TBCA: variants seen among roughly 807,000 people sequenced by gnomAD.
The protein encoded by TBCA is tubulin-specific chaperone A.
Under a neutral mutation model 15.8 loss-of-function variants are expected in TBCA, and 6 were observed. The observed-to-expected ratio is 0.38, with a 90% CI of 0.21 to 0.75. The LOEUF is 0.75. Ranked by LOEUF, TBCA falls within the 30% of genes least tolerant of loss-of-function variation. TBCA has a pLI of 0.46. For missense variants in TBCA, 90 were observed against 131.2 expected (o/e 0.69, Z 1.53); for synonymous variants, 32 against 42.3 (o/e 0.76, Z 0.94).
chr5:77,714,575 A>ATT (rs146736386), intron 1 of TBCA, among the ~76,000 whole-genome samples: 7 of 149,020 alleles, frequency 4.7e-5, no homozygotes, highest in Admixed American at 1.3e-4. Context: ...TATTATTATT[A>ATT]TTTTTTTTTG....
At chr5:77,724,617 C>T (rs1332120011) in intron 1 of TBCA, among the ~76,000 whole-genome samples, 1 of 152,118 alleles carries the variant, frequency 6.6e-6, no homozygotes, top group Non-Finnish European at 1.5e-5. Flanking sequence ...ATTGGTTTCA[C>T]ACTTCAACAA....
At chr5:77,711,907 A>G (rs967486137) in intron 1 of TBCA, among the ~76,000 whole-genome samples, 12 of 152,158 alleles carry the variant, frequency 7.9e-5, no homozygotes, top group Non-Finnish European at 1.6e-4. Context: ...TTTTGCTTAA[A>G]AAGTCATATT....
At chr5:77,742,258 C>T (rs868180384) in intron 1 of TBCA, among the ~76,000 whole-genome samples, 3 of 152,062 alleles carry the variant, frequency 2.0e-5, no homozygotes, top group Non-Finnish European at 2.9e-5. Flanking sequence ...GTCACGTGGA[C>T]GCTCAAAAAG....
chr5:77,709,311 A>G (rs1337141146), intron 1 of TBCA, among the ~76,000 whole-genome samples: 1 of 152,220 alleles, frequency 6.6e-6, no homozygotes, highest in Non-Finnish European at 1.5e-5. Context: ...TTTCAACAAT[A>G]AGAAATACTG....
chr5:77,701,765 T>C (rs1242426897), intron 2 of TBCA, among the ~76,000 whole-genome samples: 1 of 141,714 alleles, frequency 7.1e-6, no homozygotes, highest in Non-Finnish European at 1.5e-5. Flanking sequence ...AATGAGTTAA[T>C]GGCATTTGCA....
At chr5:77,709,962 T>C (rs1311381610) in intron 1 of TBCA, among the ~76,000 whole-genome samples, 2 of 152,160 alleles carry the variant, frequency 1.3e-5, no homozygotes, top group African/African-American at 2.4e-5. Context: ...GGCAAATCTA[T>C]AGAAACGTAA....
At chr5:77,744,531 C>CTTTTTTTTTTTTTT (rs70991305) in intron 1 of TBCA, among the ~76,000 whole-genome samples, 3 of 82,968 alleles carry the variant, frequency 3.6e-5, no homozygotes, top group Non-Finnish European at 6.5e-5. Context: ...TCTTATTCAC[C>CTTTTTTTTTTTTTT]TTTTTTTTTT....
chr5:77,704,014 G>C (rs1043731270), intron 2 of TBCA, among the ~76,000 whole-genome samples: 2 of 152,148 alleles, frequency 1.3e-5, no homozygotes, highest in Non-Finnish European at 2.9e-5. Context: ...TTGTGAAGAA[G>C]GTGCTTGCTT....
intron 1 of TBCA, among the ~76,000 whole-genome samples, chr5:77,738,495 A>G (rs1023334593): frequency 6.6e-6 from 1 of 152,258 alleles, no homozygotes; most frequent in African/African-American, 2.4e-5. Context: ...ACAAGCAGTC[A>G]GTAACATTTA....
intron 1 of TBCA, among the ~76,000 whole-genome samples, chr5:77,771,681 C>T (rs1449967868): frequency 1.3e-5 from 2 of 152,184 alleles, no homozygotes; most frequent in South Asian, 2.1e-4. Flanking sequence ...ATCTCCTACA[C>T]GCCAAATACC....
chr5:77,711,409 A>G (rs1280060617), intron 1 of TBCA, among the ~76,000 whole-genome samples: 2 of 152,180 alleles, frequency 1.3e-5, no homozygotes, highest in African/African-American at 2.4e-5. Context: ...TTATATCAGC[A>G]TTAACACACT....
rs1266062810 is a variant in TBCA at position 77,754,930 on chromosome 5, TATTTA to T, written c.53+21270_53+21274del. Among the ~76,000 whole-genome samples the T allele has an allele frequency of 2.0e-5, 3 of 152,236 alleles. No homozygotes were observed. The East Asian group carries it at 5.8e-4, about 29-fold the overall frequency. The stretch of plus-strand genomic sequence containing the variant: ...GAACTTGAAAAGTATTTGGGATTAT[TATTTA>T]ATTTATGAGTACTCTTTTAGCTAAA... On this transcript the variant is annotated intron_variant, in intron 1 of 3. Coordinates refer to ENST00000380377, the MANE Select transcript of TBCA (RefSeq NM_004607.3).
intron 1 of TBCA, among the ~76,000 whole-genome samples, chr5:77,735,660 C>T (rs1746883494): frequency 6.6e-6 from 1 of 152,024 alleles, no homozygotes; most frequent in African/African-American, 2.4e-5. Context: ...ATTAGATATT[C>T]GTTTCTATCA....
At chr5:77,709,269 A>T (rs1041410872) in intron 1 of TBCA, among the ~76,000 whole-genome samples, 1 of 152,226 alleles carries the variant, frequency 6.6e-6, no homozygotes, top group Non-Finnish European at 1.5e-5. Context: ...AAAGTAAGAA[A>T]AAGTATTTTA....
At chr5:77,709,580 T>C (rs1041377940) in intron 1 of TBCA, among the ~76,000 whole-genome samples, 8 of 152,214 alleles carry the variant, frequency 5.3e-5, no homozygotes, top group South Asian at 2.1e-4. Flanking sequence ...CAAACATTGC[T>C]GGATGGCAAT....
Position 77,699,376 on chromosome 5 carries a change from C to A in TBCA, c.160-6024G>T, listed in dbSNP as rs80069423. Among the ~76,000 whole-genome samples, 626 of 152,176 alleles carry A rather than the reference C, an allele frequency of 4.1e-3. 2 individuals are homozygous for A. Among genetic ancestry groups the A allele is most frequent in the African/African-American group, 0.014 (592 of 41,500 alleles). ...AAGATTTACTACATCAGTACAGAATCAAAACAGTGCAGTATTGTTAATGAA... is the reference window on the plus strand; with the variant it reads ...AAGATTTACTACATCAGTACAGAATAAAAACAGTGCAGTATTGTTAATGAA... On this transcript the variant is annotated intron_variant, in intron 2 of 3. Transcript: ENST00000380377.
intron 1 of TBCA, among the ~76,000 whole-genome samples, chr5:77,750,579 A>G (rs1747301159): frequency 6.6e-6 from 1 of 152,250 alleles, no homozygotes; most frequent in Admixed American, 6.5e-5. Flanking sequence ...AATAATTAGT[A>G]GTAGCAAAAG....
At chr5:77,712,130 A>C (rs1169032843) in intron 1 of TBCA, among the ~76,000 whole-genome samples, 1 of 152,172 alleles carries the variant, frequency 6.6e-6, no homozygotes, top group Non-Finnish European at 1.5e-5. Context: ...GATGATGCTA[A>C]AGAGGTTTTA....
At chr5:77,720,713 C>CA (rs1250247644) in intron 1 of TBCA, among the ~76,000 whole-genome samples, 4 of 151,670 alleles carry the variant, frequency 2.6e-5, no homozygotes, top group Non-Finnish European at 5.9e-5. Context: ...GACTCCATCT[C>CA]AAAAAAATAA....
Sources: gnomAD v4.1 joint callset for allele counts (sites outside exome capture counted in the v4.1 genomes callset) on GRCh38, gnomAD v4.1.1 for gene constraint, MANE v1.5 for transcripts, NCBI Gene and HGNC (gene_info 2026-07-23, HGNC 2026-07-21) for gene names.